The following PTPRG variants were observed in gnomAD, a reference collection of about 807,000 sequenced individuals.
PTPRG encodes receptor-type tyrosine-protein phosphatase gamma.
In PTPRG, 102 loss-of-function variants were observed where a neutral mutation model predicts 165.3. The observed-to-expected ratio is 0.62, with a 90% CI of 0.53 to 0.73. The LOEUF is 0.73. Ranked by LOEUF, PTPRG falls within the 30% of genes least tolerant of loss-of-function variation. The pLI, the probability that PTPRG is intolerant of heterozygous loss-of-function variation, is 0.00. For missense variants in PTPRG, 1,866 were observed against 1,861.4 expected (o/e 1.00, Z -0.05); for synonymous variants, 675 against 669.5 (o/e 1.01, Z -0.13).
chr3:61,825,651 GT>G (rs34142867), intron 2 of PTPRG, among the ~76,000 whole-genome samples: 6,713 of 148,268 alleles, frequency 0.045, 276 homozygotes, highest in East Asian at 0.21. Flanking sequence ...GTTTTCTTAG[GT>G]TTTTTTTTTT....
At chr3:62,225,942 C>T (rs1162086564) in intron 13 of PTPRG, among the ~76,000 whole-genome samples, 1 of 152,174 alleles carries the variant, frequency 6.6e-6, no homozygotes, top group Non-Finnish European at 1.5e-5. Context: ...GTGTCAGCCA[C>T]CACGCCTGGC....
chr3:61,934,093 G>A (rs973750614), intron 2 of PTPRG, among the ~76,000 whole-genome samples: 2 of 152,194 alleles, frequency 1.3e-5, no homozygotes, highest in African/African-American at 4.8e-5. Context: ...GTTCTACAGG[G>A]TGTTTAGACT....
intron 1 of PTPRG, among the ~76,000 whole-genome samples, chr3:61,602,090 A>G (rs533832425): frequency 2.0e-5 from 3 of 152,206 alleles, no homozygotes; most frequent in South Asian, 4.2e-4. Flanking sequence ...TAATTGGACA[A>G]ATGTATCTAT....
At chr3:62,085,397 A>G (rs1701719934) in intron 5 of PTPRG, among the ~76,000 whole-genome samples, 1 of 152,168 alleles carries the variant, frequency 6.6e-6, no homozygotes, top group African/African-American at 2.4e-5. Flanking sequence ...AAACATGTTA[A>G]AGGGATGCAT....
rs1279342341 is a variant in PTPRG, at chr3:62,190,611, C to CG, written c.1034-854dup. On this transcript the variant is annotated intron_variant, in intron 8 of 29. Coordinates refer to ENST00000474889, the MANE Select transcript of PTPRG (RefSeq NM_002841.4). This position sits in a 1 kb window ranked among gnomAD's most constrained non-coding sequence, Gnocchi z 5.2. ...TACACCCCACGTCAGGATAATTACA[C>CG]GGGGTTCTGCTGTTCCAGAGAAAGT... is the stretch of plus-strand genomic sequence containing the variant. Among the ~76,000 whole-genome samples the CG allele has an allele frequency of 7.2e-5, 11 of 152,160 alleles. No homozygotes were observed. Among genetic ancestry groups the CG allele is most frequent in the African/African-American group, 2.7e-4 (11 of 41,436 alleles).
At chr3:61,725,711 T>A (rs1187632831) in intron 1 of PTPRG, among the ~76,000 whole-genome samples, 1 of 56,376 alleles carries the variant, frequency 1.8e-5, no homozygotes, top group Non-Finnish European at 3.4e-5. Flanking sequence ...TACCCCCACC[T>A]TTTTTTTTTT....
chr3:61,580,574 A>G (rs1311461715), intron 1 of PTPRG, among the ~76,000 whole-genome samples: 2 of 151,998 alleles, frequency 1.3e-5, no homozygotes. Flanking sequence ...TGACCTTGTG[A>G]TGTGCCCGCC....
At chr3:61,678,775 C>T (rs1703325161) in intron 1 of PTPRG, among the ~76,000 whole-genome samples, 1 of 152,140 alleles carries the variant, frequency 6.6e-6, no homozygotes, top group Non-Finnish European at 1.5e-5. Context: ...CACGTGTACT[C>T]TTTCTATTGG....
chr3:61,988,687 A>G (rs180982444), intron 2 of PTPRG, among the ~76,000 whole-genome samples: 10 of 152,288 alleles, frequency 6.6e-5, no homozygotes, highest in Admixed American at 2.6e-4. Flanking sequence ...CTAATTCTCA[A>G]TAAAGGATTC....
intron 21 of PTPRG, among the ~76,000 whole-genome samples, 197 bp from the exon 22 acceptor site, chr3:62,272,749 A>C (rs1174266032): frequency 6.6e-6 from 1 of 152,108 alleles, no homozygotes; most frequent in Non-Finnish European, 1.5e-5. Context: ...GAGGCTCGAG[A>C]ATTGCTTGAA....
chr3:61,779,593 G>A (rs2034485886), intron 2 of PTPRG, among the ~76,000 whole-genome samples: 1 of 152,128 alleles, frequency 6.6e-6, no homozygotes, highest in South Asian at 2.1e-4. Flanking sequence ...TTTTAGGTAG[G>A]CATGTTCCAC....
chr3:61,998,779 C>T (rs571511013), intron 3 of PTPRG, among the ~76,000 whole-genome samples: 2 of 152,344 alleles, frequency 1.3e-5, no homozygotes, highest in South Asian at 4.1e-4. Context: ...ACATTAATCA[C>T]AGCAAGGATA....
intron 8 of PTPRG, among the ~76,000 whole-genome samples, chr3:62,168,971 G>T (rs544939494): frequency 6.6e-6 from 1 of 152,086 alleles, no homozygotes; most frequent in Non-Finnish European, 1.5e-5. Context: ...CGGCCATTCG[G>T]TGGGCAGTCT....
At chr3:62,161,887 G>C (rs1288570362) in intron 7 of PTPRG, among the ~76,000 whole-genome samples, 1 of 152,174 alleles carries the variant, frequency 6.6e-6, no homozygotes, top group Admixed American at 6.5e-5. Context: ...CCTCAAATGT[G>C]TGGTGAAGCT....
At position 61,612,471 on chromosome 3, in the gene PTPRG, G is replaced by A. The variant is rs1251809144; in HGVS notation, c.85+50099G>A. 2.6e-5 allele frequency among the ~76,000 whole-genome samples: 4 copies of A among 152,190 alleles called. No individual in the cohort carries two copies. In the East Asian group the frequency reaches 7.7e-4, roughly 29 times the overall value. ...GTTGTAGGTAGTTCTCGGCAGTACT[G>A]CATGTGGCCTGTTTCCAGTTAGAAA... On this transcript the variant is annotated intron_variant, in intron 1 of 29. Transcript: ENST00000474889.
chr3:61,961,038 G>C (rs942744503), intron 2 of PTPRG, among the ~76,000 whole-genome samples: 4 of 152,096 alleles, frequency 2.6e-5, no homozygotes, highest in African/African-American at 9.7e-5. Flanking sequence ...GCTTCATTAT[G>C]ATGATATGTG....
chr3:61,785,835 C>G (rs528964812), intron 2 of PTPRG, among the ~76,000 whole-genome samples: 3 of 152,122 alleles, frequency 2.0e-5, no homozygotes, highest in Non-Finnish European at 4.4e-5. Context: ...CACTAATGAA[C>G]AGCCTGCCTT....
intron 5 of PTPRG, among the ~76,000 whole-genome samples, chr3:62,113,527 T>A (rs1702745460): frequency 6.6e-6 from 1 of 152,120 alleles, no homozygotes; most frequent in Non-Finnish European, 1.5e-5. Flanking sequence ...AATATGAAAA[T>A]TGACATATGC....
At chr3:62,150,798 T>G (rs1704305794) in intron 6 of PTPRG, among the ~76,000 whole-genome samples, 1 of 152,212 alleles carries the variant, frequency 6.6e-6, no homozygotes, top group Non-Finnish European at 1.5e-5. Flanking sequence ...TCAGGTTTTC[T>G]TCCCCTAGAA....
Sources: allele counts gnomAD v4.1 joint callset (sites outside exome capture counted in the v4.1 genomes callset), GRCh38; gene constraint gnomAD v4.1.1; non-coding constraint Gnocchi (gnomAD v3.1); transcripts MANE v1.5; gene names NCBI Gene and HGNC (gene_info 2026-07-23, HGNC 2026-07-21).